Variants in LRRC4C observed in about 807,000 individuals in gnomAD.
The protein encoded by LRRC4C is leucine-rich repeat-containing protein 4C.
In LRRC4C, 5 loss-of-function variants were observed where a neutral mutation model predicts 33.6. The ratio of observed to expected loss-of-function variants is 0.15; its 90% CI spans 0.08 to 0.31. LRRC4C has a LOEUF of 0.31. Ranked by LOEUF, LRRC4C falls within the 10% of genes least tolerant of loss-of-function variation. The pLI, the probability that LRRC4C is intolerant of heterozygous loss-of-function variation, is 1.00. For synonymous variants in LRRC4C, 329 were observed against 302.0 expected (o/e 1.09, Z -0.93); for missense variants, 560 against 796.7 (o/e 0.70, Z 3.58).
intron 3 of LRRC4C, among the ~76,000 whole-genome samples, chr11:40,578,595 T>C (rs992998974): frequency 6.6e-6 from 1 of 152,100 alleles, no homozygotes; most frequent in African/African-American, 2.4e-5. Context: ...CCTCCACAGA[T>C]AAATACCTAG....
At chr11:40,464,726 A>C (rs145055604) in intron 3 of LRRC4C, among the ~76,000 whole-genome samples, 2 of 152,168 alleles carry the variant, frequency 1.3e-5, no homozygotes, top group Non-Finnish European at 1.5e-5. Context: ...CCCTTTAATA[A>C]TAGCTACCAG....
At chr11:40,202,590 A>C (rs1862846047) in intron 5 of LRRC4C, among the ~76,000 whole-genome samples, 1 of 152,160 alleles carries the variant, frequency 6.6e-6, no homozygotes, top group South Asian at 2.1e-4. Context: ...TGTGGACTTA[A>C]TTTCCCGAAT....
chr11:40,566,086 G>GT, intron 3 of LRRC4C, among the ~76,000 whole-genome samples: 17,395 of 62,826 alleles, frequency 0.28, 2,917 homozygotes, highest in East Asian at 0.57. Flanking sequence ...TTTTTACTAA[G>GT]TTTTTTTTTT....
intron 6 of LRRC4C, among the ~76,000 whole-genome samples, chr11:40,128,894 A>G (rs574497918): frequency 2.6e-5 from 4 of 152,148 alleles, no homozygotes; most frequent in Non-Finnish European, 5.9e-5. Context: ...CCCTTTTGTC[A>G]TATTTAATAA....
At chr11:40,249,542 T>C (rs1174107687) in intron 4 of LRRC4C, among the ~76,000 whole-genome samples, 2 of 149,814 alleles carry the variant, frequency 1.3e-5, no homozygotes, top group African/African-American at 4.9e-5. Flanking sequence ...ATTTTTTGTA[T>C]ATTTAATAAA....
chr11:40,150,371 C>T (rs1858091527), intron 5 of LRRC4C, among the ~76,000 whole-genome samples: 1 of 152,162 alleles, frequency 6.6e-6, no homozygotes, highest in South Asian at 2.1e-4. Flanking sequence ...GCCTTGCAGG[C>T]CAGGTAAAGC....
intron 2 of LRRC4C, among the ~76,000 whole-genome samples, chr11:40,898,784 A>G (rs1441886615): frequency 6.6e-6 from 1 of 151,364 alleles, no homozygotes; most frequent in Non-Finnish European, 1.5e-5. Flanking sequence ...GAAAAAAAAA[A>G]ACATTAACCA....
chr11:41,270,124 AG>A (rs1443890683), intron 1 of LRRC4C, among the ~76,000 whole-genome samples: 4 of 152,112 alleles, frequency 2.6e-5, no homozygotes, highest in Non-Finnish European at 4.4e-5. Flanking sequence ...GCTACAGCAT[AG>A]GGCCTTGATA....
chr11:41,134,504 G>C (rs1157205052), intron 1 of LRRC4C, among the ~76,000 whole-genome samples: 1 of 152,104 alleles, frequency 6.6e-6, no homozygotes, highest in African/African-American at 2.4e-5. Context: ...AACTTTCCAG[G>C]TTAATTTCTC....
intron 2 of LRRC4C, among the ~76,000 whole-genome samples, chr11:40,873,118 C>CCAG (rs1453719557): frequency 2.0e-5 from 3 of 152,102 alleles, no homozygotes. Context: ...TTAGAAAGAC[C>CCAG]TGGGTTCAAA....
At chr11:40,426,648 A>G (rs1055805929) in intron 3 of LRRC4C, among the ~76,000 whole-genome samples, 1 of 152,152 alleles carries the variant, frequency 6.6e-6, no homozygotes, top group East Asian at 1.9e-4. Context: ...TTGATCATCT[A>G]TCTCTGTACT....
chr11:40,872,889 C>A (rs1355100717), intron 2 of LRRC4C, among the ~76,000 whole-genome samples: 1 of 152,136 alleles, frequency 6.6e-6, no homozygotes, highest in Non-Finnish European at 1.5e-5. Flanking sequence ...TTGATGTTAT[C>A]TTTCTACCAG....
chr11:40,629,867 G>A (rs1963300956), intron 3 of LRRC4C, among the ~76,000 whole-genome samples: 1 of 151,952 alleles, frequency 6.6e-6, no homozygotes, highest in Non-Finnish European at 1.5e-5. Context: ...TTTAAAATCT[G>A]CATGGACATA....
At chr11:40,728,625 C>CA (rs60355454) in intron 2 of LRRC4C, among the ~76,000 whole-genome samples, 11,255 of 49,640 alleles carry the variant, frequency 0.23, 1,406 homozygotes, top group African/African-American at 0.28. Flanking sequence ...GACTCCGTCT[C>CA]AAAAAAAAAA....
At chr11:40,975,782 A>C (rs553818469) in intron 1 of LRRC4C, among the ~76,000 whole-genome samples, 1 of 152,192 alleles carries the variant, frequency 6.6e-6, no homozygotes, top group African/African-American at 2.4e-5. Context: ...ATCCAGGCAG[A>C]TTTCAAAGCT....
At chr11:40,546,382 A>G (rs748795919) in intron 3 of LRRC4C, among the ~76,000 whole-genome samples, 4 of 151,994 alleles carry the variant, frequency 2.6e-5, no homozygotes, top group Non-Finnish European at 5.9e-5. Context: ...TTCTATCTGT[A>G]TTACTGTGGT....
intron 5 of LRRC4C, among the ~76,000 whole-genome samples, chr11:40,208,263 C>T (rs562078986): frequency 3.3e-5 from 5 of 152,162 alleles, no homozygotes; most frequent in South Asian, 2.1e-4. Flanking sequence ...ATGGAGTAAA[C>T]GAATGTTGAG....
intron 5 of LRRC4C, among the ~76,000 whole-genome samples, chr11:40,153,390 C>G (rs1312668014): frequency 6.6e-6 from 1 of 152,062 alleles, no homozygotes; most frequent in South Asian, 2.1e-4. Context: ...CTCTTCAACA[C>G]CCCCTGAAAA....
At chr11:41,117,866 T>A (rs1221172102) in intron 1 of LRRC4C, among the ~76,000 whole-genome samples, 1 of 152,104 alleles carries the variant, frequency 6.6e-6, no homozygotes, top group Non-Finnish European at 1.5e-5. Context: ...AGTGCAAGAA[T>A]TTAAAACTAA....
Sources: allele counts gnomAD v4.1 joint callset (sites outside exome capture counted in the v4.1 genomes callset), GRCh38; gene constraint gnomAD v4.1.1; transcripts MANE v1.5; gene names NCBI Gene and HGNC (gene_info 2026-07-23, HGNC 2026-07-21).